The following GSG1L variants were observed in gnomAD, a reference collection of about 807,000 sequenced individuals.
GSG1L encodes the protein GSG1 like.
In GSG1L, 24 loss-of-function variants were observed where a neutral mutation model predicts 42.1. The observed-to-expected ratio is 0.57, with a 90% CI of 0.41 to 0.80. The LOEUF (loss-of-function observed/expected upper bound fraction) is 0.80, where lower values mean the gene tolerates loss of function less well. Ranked by LOEUF, GSG1L falls within the 30% of genes least tolerant of loss-of-function variation. GSG1L has a pLI of 0.00. For synonymous variants in GSG1L, 215 were observed against 203.5 expected, an observed-to-expected ratio of 1.06 and a Z score of -0.48; for missense variants, 445 against 472.2, an observed-to-expected ratio of 0.94 and a Z score of 0.53.
At chr16:27,933,901 CTGGTA>C (rs1283416362) in intron 2 of GSG1L, among the ~76,000 whole-genome samples, 16 of 152,184 alleles carry the variant, frequency 1.1e-4, no homozygotes, top group Non-Finnish European at 4.4e-5. Context: ...CCTCGATCTG[CTGGTA>C]GCCAAAGTCC....
intron 5 of GSG1L, among the ~76,000 whole-genome samples, chr16:27,809,737 A>C (rs1474546263): frequency 6.6e-6 from 1 of 151,920 alleles, no homozygotes. Flanking sequence ...CATTTTCAAC[A>C]CTTCCCCTAA....
At chr16:27,881,292 A>G (rs1288749509) in intron 3 of GSG1L, among the ~76,000 whole-genome samples, 1 of 123,416 alleles carries the variant, frequency 8.1e-6, no homozygotes, top group African/African-American at 3.1e-5. Context: ...CCCAAGCTGG[A>G]GTGCAGCTGT....
chr16:28,054,567 T>C (rs2086258824), intron 1 of GSG1L, among the ~76,000 whole-genome samples: 1 of 152,066 alleles, frequency 6.6e-6, no homozygotes, highest in Non-Finnish European at 1.5e-5. Flanking sequence ...AGACGGAGGT[T>C]ACAGTAAGCC....
intron 1 of GSG1L, among the ~76,000 whole-genome samples, chr16:28,008,225 G>A (rs542059903): frequency 1.9e-4 from 29 of 152,202 alleles, no homozygotes; most frequent in Admixed American, 1.6e-3. Context: ...GACTACAGGT[G>A]TGCACCACCA....
At chr16:28,042,135 C>G (rs921412632) in intron 1 of GSG1L, among the ~76,000 whole-genome samples, 3 of 152,144 alleles carry the variant, frequency 2.0e-5, no homozygotes, top group Admixed American at 1.3e-4. Flanking sequence ...CTATCTCCAG[C>G]TAGTAAAGTC....
intron 1 of GSG1L, among the ~76,000 whole-genome samples, chr16:27,981,135 CACGTGGCAGGAGAA>C (rs2085322191): frequency 6.6e-6 from 1 of 152,134 alleles, no homozygotes; most frequent in Non-Finnish European, 1.5e-5. Context: ...AGAGACCCCA[CACGTGGCAGGAGAA>C]CCTAGCAGCC....
At chr16:27,841,272 C>A (rs1008257082) in intron 4 of GSG1L, among the ~76,000 whole-genome samples, 5 of 152,164 alleles carry the variant, frequency 3.3e-5, no homozygotes, top group Admixed American at 1.3e-4. Context: ...AGGAGCCACA[C>A]CCTTGACCGC....
At chr16:27,935,256 G>A (rs944224709) in intron 2 of GSG1L, among the ~76,000 whole-genome samples, 1 of 152,092 alleles carries the variant, frequency 6.6e-6, no homozygotes, top group Middle Eastern at 3.2e-3. Context: ...GGTCCCTGTG[G>A]GTCCCCAGGC....
intron 2 of GSG1L, among the ~76,000 whole-genome samples, chr16:27,892,060 T>G (rs2084134710): frequency 6.6e-6 from 1 of 151,886 alleles, no homozygotes; most frequent in South Asian, 2.1e-4. Context: ...TCAGAAACTC[T>G]GAGAGTAAAA....
intron 1 of GSG1L, among the ~76,000 whole-genome samples, chr16:28,058,397 G>A (rs575768664): frequency 4.2e-4 from 64 of 152,190 alleles, no homozygotes; most frequent in Non-Finnish European, 7.1e-4. Flanking sequence ...GGGAGGCCGA[G>A]GCAAGCGGAT....
chr16:27,881,392 C>A (rs984140385), intron 3 of GSG1L, among the ~76,000 whole-genome samples: 2 of 151,898 alleles, frequency 1.3e-5, no homozygotes, highest in East Asian at 3.9e-4. Flanking sequence ...CAGGTGTGCA[C>A]CACCATGCCC....
At chr16:28,019,395 G>A (rs1023666312) in intron 1 of GSG1L, among the ~76,000 whole-genome samples, 2 of 152,172 alleles carry the variant, frequency 1.3e-5, no homozygotes, top group Non-Finnish European at 2.9e-5. Flanking sequence ...CCATGGCAAT[G>A]CCCGGAAGTG....
intron 2 of GSG1L, among the ~76,000 whole-genome samples, chr16:27,922,000 CTTTTTTT>C (rs5816454): frequency 7.5e-6 from 1 of 133,630 alleles, no homozygotes; most frequent in African/African-American, 2.8e-5. Flanking sequence ...TGTTTGTTGT[CTTTTTTT>C]TTTTTTTTGG....
chr16:27,827,886 CCATCCATCCATCCA>C (rs2083229971), intron 5 of GSG1L, among the ~76,000 whole-genome samples: 1 of 143,110 alleles, frequency 7.0e-6, no homozygotes, highest in South Asian at 2.2e-4. Context: ...ATCCATCCAT[CCATCCATCCATCCA>C]TCCCTTCACC....
intron 5 of GSG1L, among the ~76,000 whole-genome samples, chr16:27,817,306 C>T (rs2083106340): frequency 6.6e-6 from 1 of 152,216 alleles, no homozygotes; most frequent in Admixed American, 6.5e-5. Context: ...CTGTCATCCC[C>T]CGCCATGTTC....
chr16:27,871,087 C>G (rs765279591), intron 3 of GSG1L, among the ~76,000 whole-genome samples: 24 of 152,190 alleles, frequency 1.6e-4, no homozygotes, highest in Non-Finnish European at 2.2e-4. Context: ...TTTCCCAACC[C>G]CAAACCAGCA....
intron 3 of GSG1L, among the ~76,000 whole-genome samples, chr16:27,880,225 G>A (rs1254934554): frequency 6.6e-6 from 1 of 152,152 alleles, no homozygotes; most frequent in Non-Finnish European, 1.5e-5. Context: ...ATGTCTTCCT[G>A]GCCAGACGCC....
chr16:27,791,257 G>T lies in GSG1L; in HGVS notation c.*113C>A. ...AGGCCTGGCATCTCCCACGCAGGCT[G>T]ACTGAGTTCACGGCACACAGGCCAG... On this transcript the variant is annotated 3_prime_UTR_variant, in exon 7 of 7. Transcript: ENST00000447459. 1.6e-6 allele frequency: 1 copy of T among 626,610 alleles called. No individual in the cohort carries two copies. Among genetic ancestry groups the T allele is most frequent in the East Asian group, 3.2e-5 (1 of 31,062 alleles). 38.8% of individuals were successfully genotyped at this position (626,610 alleles called of 1,614,324 possible).
intron 2 of GSG1L, among the ~76,000 whole-genome samples, chr16:27,961,417 C>CG (rs1399266347): frequency 2.0e-5 from 3 of 152,184 alleles, no homozygotes; most frequent in Non-Finnish European, 2.9e-5. Context: ...GGCTGCACAT[C>CG]CCAGAAGGCT....
Sources: allele counts gnomAD v4.1 joint callset (sites outside exome capture counted in the v4.1 genomes callset), GRCh38; gene constraint gnomAD v4.1.1; transcripts MANE v1.5; gene names NCBI Gene and HGNC (gene_info 2026-07-23, HGNC 2026-07-21).